U2AF2: variants seen among roughly 807,000 people sequenced by gnomAD.
U2AF2 encodes splicing factor U2AF 65 kDa subunit.
Under a neutral mutation model 52.6 loss-of-function variants are expected in U2AF2, and 6 were observed. That is an observed-to-expected ratio of 0.11 (90% CI 0.06 to 0.23). The LOEUF (loss-of-function observed/expected upper bound fraction) is 0.23. U2AF2 is among the 10% of genes least tolerant of loss of function. U2AF2 has a pLI of 1.00. For synonymous variants in U2AF2, 284 were observed against 258.2 expected, an observed-to-expected ratio of 1.10 and a Z score of -0.96; for missense variants, 222 against 677.1, an observed-to-expected ratio of 0.33 and a Z score of 7.46.
chr19:55,674,607 C>T lies in U2AF2; in HGVS notation c.*539C>T, dbSNP rs1306636294. 6.5e-6 allele frequency: 1 copy of T among 153,808 alleles called. No individual in the cohort carries two copies. Among genetic ancestry groups the T allele is most frequent in the African/African-American group, 2.4e-5 (1 of 41,568 alleles). 9.5% of individuals were successfully genotyped at this position (153,808 alleles called of 1,614,324 possible). ...AGTTGATTTTTCCTCTTTAGTCTCC[C>T]CCGACCTGCGCCCAGCCCCGTGGCC... is the stretch of plus-strand genomic sequence containing the variant. On this transcript the variant is annotated 3_prime_UTR_variant, in exon 12 of 12. Coordinates refer to ENST00000308924, the MANE Select transcript of U2AF2 (RefSeq NM_007279.3).
chr19:55,669,318 G>C, intron 10 of U2AF2, 126 bp from the exon 11 acceptor site: 3 of 1,543,692 alleles, frequency 1.9e-6, no homozygotes, highest in Non-Finnish European at 2.6e-6. Context: ...TGGGGAGTCG[G>C]GCTTTAGGTG....
Position 55,660,163 on chromosome 19 carries a change from C to A in U2AF2, c.186-14C>A. 2 of 1,601,234 alleles carry A rather than the reference C, an allele frequency of 1.2e-6. No homozygotes were observed. The highest frequency in any genetic ancestry group is 1.1e-5 in the South Asian group (1 of 90,068). The stretch of plus-strand genomic sequence containing the variant: ...CAGTCACCCCTCCCCATACCTTTCC[C>A]TCCCACCCCCCAGCAAACCTTTGAC... On this transcript the variant is annotated splice_polypyrimidine_tract_variant and intron_variant, in intron 2 of 11. Transcript: ENST00000308924.
In U2AF2 at chr19:55,668,590, A is replaced by G. The variant is rs760480046; in HGVS notation, c.822+4A>G. The G allele has an allele frequency of 6.2e-7, 1 of 1,605,970 alleles. No homozygotes were observed. The highest frequency in any genetic ancestry group is 1.7e-4 in the Middle Eastern group (1 of 6,028). On this transcript the variant is annotated splice_donor_region_variant and intron_variant, in intron 8 of 11. Transcript: ENST00000308924. This position sits in a 1 kb window ranked among gnomAD's most constrained non-coding sequence, Gnocchi z 5.5. ...CAACTACCTGAACGATGACCAGGTA[A>G]CTTCCCTGCCTCCCTCCAGACCCGT...
Position 55,669,177 on chromosome 19 carries a change from C to T in U2AF2, c.1040C>T (p.Pro347Leu). 1.2e-6 allele frequency: 2 copies of T among 1,613,802 alleles called. No individual in the cohort carries two copies. The highest frequency in any genetic ancestry group is 1.3e-5 in the African/African-American group (1 of 75,030). ...GCCAAGAATGCCACGCTGGTGAGCC[C>T]CCCGGCACGTCATCTTCCATTGGCT... Reference protein sequence around the residue: ...VGAKNATLVSPPSTINQTPVT... With the variant: ...VGAKNATLVSLPSTINQTPVT... The change falls in exon 10 of 12, where the codon CCC becomes CTC. Residue 347 changes from proline to leucine, a missense_variant. Physicochemically the swap from Pro to Leu is moderately conservative, Grantham distance 98. Transcript: ENST00000308924.
At chr19:55,664,421 G>A (rs1984413762) in intron 7 of U2AF2, among the ~76,000 whole-genome samples, 1 of 152,212 alleles carries the variant, frequency 6.6e-6, no homozygotes, top group South Asian at 2.1e-4. Context: ...AAGCTTGCAG[G>A]ATGTGCAAAA....
In U2AF2 at chr19:55,668,614, G is replaced by GTCCCCCCCCCCCCCCCCCCCCCC; in HGVS notation, c.822+35_822+36insCCCCCCCCCCCCCCCCTCCCCCC. ...AACTTCCCTGCCTCCCTCCAGACCC[G>GTCCCCCCCCCCCCCCCCCCCCCC]TCCCCCCACCCCGCCCCACCTCATC... On this transcript the variant is annotated intron_variant, in intron 8 of 11. Coordinates refer to ENST00000308924, the MANE Select transcript of U2AF2 (RefSeq NM_007279.3). This position sits in a 1 kb window ranked among gnomAD's most constrained non-coding sequence, Gnocchi z 5.5. The GTCCCCCCCCCCCCCCCCCCCCCC allele has an allele frequency of 7.6e-7, 1 of 1,324,242 alleles. No homozygotes were observed. Among genetic ancestry groups the GTCCCCCCCCCCCCCCCCCCCCCC allele is most frequent in the Non-Finnish European group, 1.1e-6 (1 of 945,516 alleles). The allele number at this position is 1,324,242 out of a possible 1,614,324, so 82.0% of individuals were successfully genotyped here. A position where few individuals can be genotyped will look rare whatever the true frequency, so the allele number is the denominator to read the frequency against.
At chr19:55,661,499 G>GACACACACACACAC (rs59262812) in intron 5 of U2AF2, among the ~76,000 whole-genome samples, 5 of 145,098 alleles carry the variant, frequency 3.4e-5, no homozygotes, top group African/African-American at 1.3e-4. Flanking sequence ...GGGAGACTTG[G>GACACACACACACAC]ACACACACAC....
At chr19:55,658,886 A>T (rs1600070245) in intron 1 of U2AF2, 1 of 275,664 alleles carries the variant, frequency 3.6e-6, no homozygotes, top group Non-Finnish European at 6.7e-6. Context: ...CCTCTCAGGG[A>T]CGACCCTGGG....
Position 55,668,817 on chromosome 19 carries a change from G to A in U2AF2, c.945+25G>A, listed in dbSNP as rs764882197. 1.2e-6 allele frequency: 2 copies of A among 1,601,182 alleles called. No individual in the cohort carries two copies. The highest frequency in any genetic ancestry group is 1.7e-5 in the Admixed American group (1 of 59,610). ...GGTGAGTCCCCGGTCGCTGGCCGCT[G>A]CCGCGTCTGTCCTTCCCTGCCCTGC... On this transcript the variant is annotated intron_variant, in intron 9 of 11. Transcript: ENST00000308924. The surrounding 1 kb of genome is among the most constrained non-coding windows in gnomAD (Gnocchi z 5.5).
chr19:55,667,566 C>A (rs961063975), intron 7 of U2AF2, among the ~76,000 whole-genome samples: 12 of 152,122 alleles, frequency 7.9e-5, no homozygotes, highest in African/African-American at 2.7e-4. Flanking sequence ...CTGATAAGCC[C>A]CCACTCTGGT....
chr19:55,672,643 G>GT (rs987902244), intron 11 of U2AF2, among the ~76,000 whole-genome samples: 6 of 151,150 alleles, frequency 4.0e-5, no homozygotes, highest in South Asian at 2.1e-4. Context: ...AAATTGTTTT[G>GT]TTTTTTTAAC....
intron 6 of U2AF2, among the ~76,000 whole-genome samples, chr19:55,663,121 G>A (rs1228854591): frequency 2.0e-5 from 3 of 152,026 alleles, no homozygotes; most frequent in Non-Finnish European, 2.9e-5. Context: ...TGAAGGTGTG[G>A]GCAGTGTTAG....
intron 2 of U2AF2, 110 bp from the exon 3 acceptor site, chr19:55,660,067 C>T (rs1423129298): frequency 2.0e-6 from 2 of 994,788 alleles, no homozygotes; most frequent in South Asian, 1.7e-5. Flanking sequence ...GCTTGTTGAC[C>T]TCGGCCCTGC....
intron 7 of U2AF2, among the ~76,000 whole-genome samples, chr19:55,665,751 C>A (rs553265298): frequency 6.6e-6 from 1 of 152,116 alleles, no homozygotes; most frequent in Non-Finnish European, 1.5e-5. Flanking sequence ...CAGGTTCAAG[C>A]GATTCTCCTG....
chr19:55,668,847 T>C lies in U2AF2; in HGVS notation c.945+55T>C, dbSNP rs573844824. 8.3e-5 allele frequency: 130 copies of C among 1,575,658 alleles called. No homozygotes were observed. The highest frequency in any genetic ancestry group is 1.1e-4 in the Non-Finnish European group (124 of 1,156,944). The stretch of plus-strand genomic sequence containing the variant: ...GTCTGTCCTTCCCTGCCCTGCGCTG[T>C]TGCCAAGCCATGGTCTCCCCTCCTC... On this transcript the variant is annotated intron_variant, in intron 9 of 11. Coordinates refer to ENST00000308924, the MANE Select transcript of U2AF2 (RefSeq NM_007279.3). This position sits in a 1 kb window ranked among gnomAD's most constrained non-coding sequence, Gnocchi z 5.5.
At chr19:55,667,045 G>A (rs1172126194) in intron 7 of U2AF2, among the ~76,000 whole-genome samples, 2 of 152,108 alleles carry the variant, frequency 1.3e-5, no homozygotes, top group Non-Finnish European at 2.9e-5. Context: ...TCCTGCTCCC[G>A]GGCTGCTGCT....
In U2AF2 at chr19:55,662,492, C is replaced by A; in HGVS notation, c.487-10C>A. On this transcript the variant is annotated splice_polypyrimidine_tract_variant and intron_variant, in intron 5 of 11. Coordinates refer to ENST00000308924, the MANE Select transcript of U2AF2 (RefSeq NM_007279.3). Reference sequence around the variant, plus strand: ...CCCGCCCCCCCCCTTGTCTCCTATTCCCTCTGCAGGAGGCCATGATGGATT... The same window carrying A: ...CCCGCCCCCCCCCTTGTCTCCTATTACCTCTGCAGGAGGCCATGATGGATT... The A allele has an allele frequency of 1.2e-5, 9 of 764,230 alleles. No homozygotes were observed. The highest frequency in any genetic ancestry group is 1.9e-5 in the Non-Finnish European group (9 of 485,994). 47.3% of individuals were successfully genotyped at this position (764,230 alleles called of 1,614,324 possible). A position where few individuals can be genotyped will look rare whatever the true frequency, so the allele number is the denominator to read the frequency against.
At chr19:55,664,458 A>G (rs1984416214) in intron 7 of U2AF2, among the ~76,000 whole-genome samples, 1 of 152,182 alleles carries the variant, frequency 6.6e-6, no homozygotes, top group Non-Finnish European at 1.5e-5. Context: ...GTCAGCCCAC[A>G]GGCTATAGTT....
chr19:55,659,297 G>A lies in U2AF2; in HGVS notation c.137G>A (p.Arg46Gln), dbSNP rs1984001410. 3 of 1,593,840 alleles carry A rather than the reference G, an allele frequency of 1.9e-6. No individual in the cohort carries two copies. Among genetic ancestry groups the A allele is most frequent in the Non-Finnish European group, 2.6e-6 (3 of 1,169,320 alleles). Residue 46 changes from arginine to glutamine, a missense_variant, in exon 2 of 12, where the codon CGG (arginine) becomes CAG (glutamine). By Grantham distance (43) the Arg-to-Gln change is conservative. Around this residue, in one of 4 missense-constraint regions of U2AF2, gnomAD observed 100 missense variants for 144.1 expected, o/e 0.69. Transcript: ENST00000308924. ...AAACGCCGGAGCCGGAGCCGCGACC[G>A]GCGCAACCGGGACCAGCGGAGCGCC... ...DRKRRSRSRD[R>Q]RNRDQRSASR...
Sources: allele counts gnomAD v4.1 joint callset (sites outside exome capture counted in the v4.1 genomes callset), GRCh38; gene constraint gnomAD v4.1.1; regional missense constraint gnomAD v4.1.1; non-coding constraint Gnocchi (gnomAD v3.1); transcripts MANE v1.5; gene names NCBI Gene and HGNC (gene_info 2026-07-23, HGNC 2026-07-21).